CDX2: variants seen among roughly 807,000 people sequenced by gnomAD.
CDX2 encodes the protein caudal type homeobox 2, also known as homeobox protein CDX-2.
CDX2 carries 7 observed loss-of-function variants against 25.5 expected under a neutral mutation model. The ratio of observed to expected loss-of-function variants is 0.27; its 90% confidence interval spans 0.16 to 0.52. CDX2 has a LOEUF of 0.52. Ranked by LOEUF, CDX2 falls within the 20% of genes least tolerant of loss-of-function variation. The pLI is 0.97. For missense variants in CDX2, 375 were observed against 431.4 expected (o/e 0.87, Z 1.16); for synonymous variants, 222 against 198.6 (o/e 1.12, Z -0.99).
At position 27,962,491 on chromosome 13, in the gene CDX2, C is replaced by A. The variant is rs867273391; in HGVS notation, c.*624G>T. Reference sequence around the variant, plus strand: ...CAGGCCTGGAGTCCAATAACCACCCCCTCATACCACACCCTGTGCATACAC... The same window carrying A: ...CAGGCCTGGAGTCCAATAACCACCCACTCATACCACACCCTGTGCATACAC... On this transcript the variant is annotated 3_prime_UTR_variant, in exon 3 of 3. Coordinates refer to ENST00000381020, the MANE Select transcript of CDX2 (RefSeq NM_001265.6). 1 of 233,470 alleles carries A rather than the reference C, an allele frequency of 4.3e-6. No homozygotes were observed. Among genetic ancestry groups the A allele is most frequent in the Middle Eastern group, 1.3e-3 (1 of 780 alleles). 14.5% of individuals were successfully genotyped at this position (233,470 alleles called of 1,614,324 possible).
intron 1 of CDX2, among the ~76,000 whole-genome samples, chr13:27,966,706 C>T (rs966928248): frequency 1.3e-5 from 2 of 152,190 alleles, no homozygotes; most frequent in Admixed American, 6.5e-5. Flanking sequence ...CCCCACACCC[C>T]CTGGGAACCT....
At chr13:27,963,515 C>T in intron 2 of CDX2, 146 bp from the exon 3 acceptor site, 1 of 661,422 alleles carries the variant, frequency 1.5e-6, no homozygotes, top group Non-Finnish European at 2.5e-6. Context: ...ATCCCCATAA[C>T]AGCCCAACCC....
chr13:27,967,052 T>TC (rs1464722880), intron 1 of CDX2, among the ~76,000 whole-genome samples: 1 of 152,094 alleles, frequency 6.6e-6, no homozygotes, highest in Non-Finnish European at 1.5e-5. Flanking sequence ...GCGGCTTCCC[T>TC]CCCGCCCCCT....
intron 1 of CDX2, among the ~76,000 whole-genome samples, chr13:27,967,523 C>G (rs911695568): frequency 1.3e-5 from 2 of 152,190 alleles, no homozygotes; most frequent in African/African-American, 2.4e-5. Context: ...CTAGGACTCT[C>G]CCCACCGCAC....
In CDX2 at chr13:27,967,981, C is replaced by A. The variant is rs1020730807; in HGVS notation, c.541+485G>T. Among the ~76,000 whole-genome samples the A allele has an allele frequency of 3.9e-5, 6 of 152,180 alleles. No homozygotes were observed. The East Asian group carries it at 7.7e-4, about 20-fold the overall frequency. On this transcript the variant is annotated intron_variant, in intron 1 of 2. Transcript: ENST00000381020. Reference sequence around the variant, plus strand: ...ACACACAGCCTAGCCATCCTCCGACCCCCCCAGGTCACTTCTCTTCTTAGA... The same window carrying A: ...ACACACAGCCTAGCCATCCTCCGACACCCCCAGGTCACTTCTCTTCTTAGA...
At position 27,962,901 on chromosome 13, in the gene CDX2, C is replaced by T. The variant is rs1026534909; in HGVS notation, c.*214G>A. ...CTGTCTCCTCAGTGGCAGAAAAAGCCAGATGGGAAAAAGTAAAAATCTGGG... is the reference window on the plus strand; with the variant it reads ...CTGTCTCCTCAGTGGCAGAAAAAGCTAGATGGGAAAAAGTAAAAATCTGGG... On this transcript the variant is annotated 3_prime_UTR_variant, in exon 3 of 3. Transcript: ENST00000381020. 13 of 544,200 alleles carry T rather than the reference C, an allele frequency of 2.4e-5. No individual in the cohort carries two copies. Among genetic ancestry groups the T allele is most frequent in the Admixed American group, 1.4e-4 (4 of 29,004 alleles). 33.7% of individuals were successfully genotyped at this position (544,200 alleles called of 1,614,324 possible). A position where few individuals can be genotyped will look rare whatever the true frequency, so the allele number is the denominator to read the frequency against.
rs1171131343 is a variant in CDX2 at position 27,962,023 on chromosome 13, A to G, written c.*1092T>C. The G allele has an allele frequency of 8.7e-6, 2 of 229,268 alleles. No homozygotes were observed. Among genetic ancestry groups the G allele is most frequent in the Non-Finnish European group, 1.7e-5 (2 of 115,626 alleles). The allele number at this position is 229,268 out of a possible 1,614,324, so 14.2% of individuals were successfully genotyped here. ...GGGGTAAAATGAGGCTGTCCAGATA[A>G]TCTCCACTCCCTCTCTGAATTTTCC... On this transcript the variant is annotated 3_prime_UTR_variant, in exon 3 of 3. Transcript: ENST00000381020.
intron 1 of CDX2, 133 bp downstream of exon 1, chr13:27,968,333 G>T (rs1351338573): frequency 3.5e-6 from 4 of 1,129,946 alleles, no homozygotes; most frequent in African/African-American, 1.6e-5. Flanking sequence ...TCTCCGGGCC[G>T]TGCCCCTCCT....
chr13:27,969,074 G>A lies in CDX2; in HGVS notation c.-68C>T. On this transcript the variant is annotated 5_prime_UTR_variant, in exon 1 of 3. Transcript: ENST00000381020. The stretch of plus-strand genomic sequence containing the variant: ...GACCGACGCTGGAGGCTGCCGGGGG[G>A]CACGAAGGGAAAGGGGCGAGGGGAC... 3.1e-6 allele frequency: 4 copies of A among 1,296,974 alleles called. No homozygotes were observed. Among genetic ancestry groups the A allele is most frequent in the Non-Finnish European group, 4.3e-6 (4 of 934,590 alleles). The allele number at this position is 1,296,974 out of a possible 1,614,324, so 80.3% of individuals were successfully genotyped here. A position where few individuals can be genotyped will look rare whatever the true frequency, so the allele number is the denominator to read the frequency against.
At chr13:27,963,452 A>G (rs1869169852) in intron 2 of CDX2, 83 bp from the exon 3 acceptor site, 1 of 1,135,754 alleles carries the variant, frequency 8.8e-7, no homozygotes, top group Non-Finnish European at 1.2e-6. Flanking sequence ...TATCATCAAC[A>G]TCTTCTGCTC....
rs1869197260 is a variant in CDX2 at position 27,964,124 on chromosome 13, G to T, written c.687+746C>A. ...TTTTAAAAAAGTACTCCAGGGCCAG[G>T]CACAGTGGCTCACACCTGTAATCTC... On this transcript the variant is annotated intron_variant, in intron 2 of 2. Coordinates refer to ENST00000381020, the MANE Select transcript of CDX2 (RefSeq NM_001265.6). The surrounding 1 kb of genome is among the most constrained non-coding windows in gnomAD (Gnocchi z 4.7). Among the ~76,000 whole-genome samples the T allele has an allele frequency of 1.3e-5, 2 of 152,154 alleles. No homozygotes were observed. Among genetic ancestry groups the T allele is most frequent in the Non-Finnish European group, 2.9e-5 (2 of 68,038 alleles).
rs1347457143 is a variant in CDX2 at position 27,964,215 on chromosome 13, C to T, written c.687+655G>A. 6.6e-6 allele frequency among the ~76,000 whole-genome samples: 1 copy of T among 152,120 alleles called. No homozygotes were observed. The highest frequency in any genetic ancestry group is 2.4e-5 in the African/African-American group (1 of 41,394). ...AGGAGTTCGAGACTAGCCTGACTAACATGGAGAAACCGCATTTCTACTAAA... is the reference window on the plus strand; with the variant it reads ...AGGAGTTCGAGACTAGCCTGACTAATATGGAGAAACCGCATTTCTACTAAA... On this transcript the variant is annotated intron_variant, in intron 2 of 2. Coordinates refer to ENST00000381020, the MANE Select transcript of CDX2 (RefSeq NM_001265.6). The surrounding 1 kb of genome is among the most constrained non-coding windows in gnomAD (Gnocchi z 4.7).
chr13:27,964,850 G>T lies in CDX2; in HGVS notation c.687+20C>A, dbSNP rs1029665012. Reference sequence around the variant, plus strand: ...TCTGCCAGGCAGTGGCCCGCCCGGAGGGAGCTAGGCGGTCCCCACCTGCCT... The same window carrying T: ...TCTGCCAGGCAGTGGCCCGCCCGGATGGAGCTAGGCGGTCCCCACCTGCCT... On this transcript the variant is annotated intron_variant, in intron 2 of 2. Transcript: ENST00000381020. This position sits in a 1 kb window ranked among gnomAD's most constrained non-coding sequence, Gnocchi z 4.7. 3.1e-6 allele frequency: 5 copies of T among 1,612,682 alleles called. No individual in the cohort carries two copies. In the African/African-American group the frequency reaches 6.7e-5, roughly 22 times the overall value.
rs767706542 is a variant in CDX2, at chr13:27,963,312, A to G, written c.745T>C (p.Leu249=). The change falls in exon 3 of 3, where the codon TTG becomes CTG. Residue 249 remains leucine (L), a synonymous_variant. Coordinates refer to ENST00000381020, the MANE Select transcript of CDX2 (RefSeq NM_001265.6). The part of the protein sequence containing the change: ...AKERKINKKK[L]QQQQQQQPPQ... ...GGCTGCTGCTGCTGTTGCTGCTGCA[A>G]CTTCTTCTTGTTGATTTTCCTCTCC... is the stretch of plus-strand genomic sequence containing the variant. 4 of 1,613,452 alleles carry G rather than the reference A, an allele frequency of 2.5e-6. No homozygotes were observed. The African/African-American group carries it at 5.3e-5, about 22-fold the overall frequency.
chr13:27,965,148 T>A, intron 1 of CDX2, 133 bp from the exon 2 acceptor site: 1 of 948,722 alleles, frequency 1.1e-6, no homozygotes, highest in Non-Finnish European at 1.6e-6. Context: ...GGCTGGTTCC[T>A]GCCAAGTCTG....
rs1307362699 is a variant in CDX2 at position 27,968,875 on chromosome 13, G to A, written c.132C>T (p.His44=). The A allele has an allele frequency of 2.5e-6, 4 of 1,601,404 alleles. No individual in the cohort carries two copies. The highest frequency in any genetic ancestry group is 1.7e-5 in the Admixed American group (1 of 58,822). Residue 44 remains histidine (H), a synonymous_variant, in exon 1 of 3, where the codon CAC becomes CAT. Coordinates refer to ENST00000381020, the MANE Select transcript of CDX2 (RefSeq NM_001265.6). ...CTGCCGCTGCAGCTGCGGCCGCCAC[G>A]TGGTAACCGCCGTAGTCCGGGTACT... ...PPQYPDYGGY[H]VAAAAAAAAN...
intron 1 of CDX2, among the ~76,000 whole-genome samples, chr13:27,965,975 C>A (rs1320556982): frequency 6.6e-6 from 1 of 152,170 alleles, no homozygotes; most frequent in Non-Finnish European, 1.5e-5. Flanking sequence ...ATCTGAAGGG[C>A]CTGGGAGTTG....
In CDX2 at chr13:27,964,415, G is replaced by C. The variant is rs140439132; in HGVS notation, c.687+455C>G. Among the ~76,000 whole-genome samples the C allele has an allele frequency of 5.2e-3, 787 of 151,328 alleles. 4 individuals are homozygous for C. The highest frequency in any genetic ancestry group is 8.2e-3 in the Non-Finnish European group (559 of 67,834). ...ACTGCGTTTCGACGGTGGCGGGTGG[G>C]GGGGCATGTACTCCAGGCCAGGCAT... On this transcript the variant is annotated intron_variant, in intron 2 of 2. Coordinates refer to ENST00000381020, the MANE Select transcript of CDX2 (RefSeq NM_001265.6). This position sits in a 1 kb window ranked among gnomAD's most constrained non-coding sequence, Gnocchi z 4.7.
chr13:27,967,045 G>C (rs1399029651), intron 1 of CDX2, among the ~76,000 whole-genome samples: 1 of 152,188 alleles, frequency 6.6e-6, no homozygotes, highest in African/African-American at 2.4e-5. Context: ...GGCTCTGGCG[G>C]CTTCCCTCCC....
Sources: gnomAD v4.1 joint callset for allele counts (sites outside exome capture counted in the v4.1 genomes callset) on GRCh38, gnomAD v4.1.1 for gene constraint, Gnocchi (gnomAD v3.1) non-coding constraint, MANE v1.5 for transcripts, NCBI Gene and HGNC (gene_info 2026-07-23, HGNC 2026-07-21) for gene names.